The following STXBP6 variants were observed in gnomAD, a reference collection of about 807,000 sequenced individuals.
STXBP6 encodes the protein syntaxin binding protein 6.
Under a neutral mutation model 26.9 loss-of-function variants are expected in STXBP6, and 21 were observed. That is an observed-to-expected ratio of 0.78 (90% confidence interval 0.55 to 1.12). The LOEUF (loss-of-function observed/expected upper bound fraction) is 1.12, where lower values mean the gene tolerates loss of function less well. STXBP6 is among the 50% of genes most tolerant of loss of function. The probability of loss-of-function intolerance (pLI) is 0.00; values close to 1 mark genes in which losing one functional copy is unlikely to be tolerated. For synonymous variants in STXBP6, 97 were observed against 92.6 expected (o/e 1.05, Z -0.27); for missense variants, 232 against 257.9 (o/e 0.90, Z 0.69).
chr14:24,967,176 A>G (rs1486334152), intron 2 of STXBP6, among the ~76,000 whole-genome samples: 2 of 152,188 alleles, frequency 1.3e-5, no homozygotes, highest in Non-Finnish European at 2.9e-5. Flanking sequence ...CTCATCTACA[A>G]ATAAGAACTA....
intron 1 of STXBP6, among the ~76,000 whole-genome samples, chr14:25,019,010 G>A (rs769680127): frequency 1.3e-5 from 2 of 152,138 alleles, no homozygotes; most frequent in Admixed American, 6.5e-5. Flanking sequence ...GCAATACTCG[G>A]TAGGCTTCTA....
intron 1 of STXBP6, among the ~76,000 whole-genome samples, chr14:25,041,675 C>T (rs1228616865): frequency 1.3e-5 from 2 of 152,196 alleles, no homozygotes; most frequent in African/African-American, 4.8e-5. Context: ...CACACATATT[C>T]ACCTGCCAGA....
chr14:24,973,379 CTTT>C (rs1057437135), intron 2 of STXBP6, among the ~76,000 whole-genome samples: 61 of 76,774 alleles, frequency 7.9e-4, no homozygotes, highest in Non-Finnish European at 9.4e-4. Flanking sequence ...AGCTTTCTTC[CTTT>C]TTTTTTTTTT....
chr14:25,017,375 T>C (rs1023151594), intron 1 of STXBP6, among the ~76,000 whole-genome samples: 9 of 152,170 alleles, frequency 5.9e-5, no homozygotes, highest in African/African-American at 1.4e-4. Flanking sequence ...AGATTTCCTA[T>C]GGAAACTGGT....
chr14:24,946,995 C>T (rs1304893089), intron 2 of STXBP6, among the ~76,000 whole-genome samples: 2 of 152,094 alleles, frequency 1.3e-5, no homozygotes, highest in African/African-American at 4.8e-5. Context: ...AGCTACATAG[C>T]ATGAGTTACT....
chr14:25,037,369 G>A (rs538347665), intron 1 of STXBP6, among the ~76,000 whole-genome samples: 1 of 152,328 alleles, frequency 6.6e-6, no homozygotes, highest in South Asian at 2.1e-4. Flanking sequence ...GGTAGGGAAA[G>A]GAAAAGGCAA....
chr14:25,035,333 A>C (rs2075531767), intron 1 of STXBP6, among the ~76,000 whole-genome samples: 1 of 152,112 alleles, frequency 6.6e-6, no homozygotes, highest in Non-Finnish European at 1.5e-5. Flanking sequence ...CTCAAAAAAT[A>C]AGGATGTGGG....
At chr14:24,880,615 A>G (rs1466553584) in intron 2 of STXBP6, among the ~76,000 whole-genome samples, 1 of 152,190 alleles carries the variant, frequency 6.6e-6, no homozygotes, top group Non-Finnish European at 1.5e-5. Flanking sequence ...TCTGTATTGA[A>G]AATGAAAGGT....
chr14:25,015,205 A>G (rs1161057919), intron 1 of STXBP6, among the ~76,000 whole-genome samples: 1 of 152,202 alleles, frequency 6.6e-6, no homozygotes, highest in Non-Finnish European at 1.5e-5. Context: ...TCTACAAAAT[A>G]AAAGAGAACT....
At chr14:24,889,913 T>G (rs1365467639) in intron 2 of STXBP6, among the ~76,000 whole-genome samples, 1 of 152,220 alleles carries the variant, frequency 6.6e-6, no homozygotes, top group Non-Finnish European at 1.5e-5. Flanking sequence ...TCAGTACAAC[T>G]CCCCAACTGT....
intron 1 of STXBP6, among the ~76,000 whole-genome samples, chr14:25,000,322 CA>C (rs1473345443): frequency 2.6e-5 from 4 of 151,084 alleles, no homozygotes; most frequent in African/African-American, 9.7e-5. Flanking sequence ...CTCGGCCTCC[CA>C]AAATGCTGGG....
At chr14:24,951,607 A>G (rs1389292898) in intron 2 of STXBP6, among the ~76,000 whole-genome samples, 1 of 152,176 alleles carries the variant, frequency 6.6e-6, no homozygotes, top group Admixed American at 6.5e-5. Context: ...CTTGAAAAAT[A>G]TATTCTCTTA....
chr14:25,010,980 A>T (rs1394805213), intron 1 of STXBP6, among the ~76,000 whole-genome samples: 1 of 151,026 alleles, frequency 6.6e-6, no homozygotes, highest in African/African-American at 2.5e-5. Flanking sequence ...AAGCCCATGA[A>T]AATGACAGTC....
intron 1 of STXBP6, among the ~76,000 whole-genome samples, chr14:25,038,277 T>C (rs1047318502): frequency 2.0e-5 from 3 of 152,142 alleles, no homozygotes; most frequent in Admixed American, 6.5e-5. Context: ...TCATACCTGA[T>C]AGGAGTGTGA....
At chr14:24,824,865 T>C (rs2068236811) in intron 4 of STXBP6, among the ~76,000 whole-genome samples, 1 of 152,200 alleles carries the variant, frequency 6.6e-6, no homozygotes, top group South Asian at 2.1e-4. Context: ...ATTCTTACCC[T>C]TATGTTACAG....
intron 2 of STXBP6, among the ~76,000 whole-genome samples, chr14:24,874,330 T>G (rs1280985238): frequency 1.3e-5 from 2 of 152,138 alleles, no homozygotes; most frequent in African/African-American, 4.8e-5. Flanking sequence ...ATTTCAGATT[T>G]GTATTATGGG....
intron 4 of STXBP6, among the ~76,000 whole-genome samples, chr14:24,854,568 G>C (rs139883742): frequency 6.6e-6 from 1 of 152,208 alleles, no homozygotes; most frequent in African/African-American, 2.4e-5. Context: ...TAGGCTATCA[G>C]AGCAAACTCC....
chr14:24,842,341 T>C (rs186785736), intron 4 of STXBP6, among the ~76,000 whole-genome samples: 23 of 152,342 alleles, frequency 1.5e-4, no homozygotes, highest in Non-Finnish European at 2.8e-4. Flanking sequence ...GTAGTCCCTA[T>C]AGTAGCATGG....
At chr14:24,988,911 G>A (rs1293997358) in intron 1 of STXBP6, among the ~76,000 whole-genome samples, 3 of 152,144 alleles carry the variant, frequency 2.0e-5, no homozygotes, top group Non-Finnish European at 4.4e-5. Context: ...GGGAGAAGTA[G>A]GCAGAAAACT....
Sources: gnomAD v4.1 joint callset for allele counts (sites outside exome capture counted in the v4.1 genomes callset) on GRCh38, gnomAD v4.1.1 for gene constraint, MANE v1.5 for transcripts, NCBI Gene and HGNC (gene_info 2026-07-23, HGNC 2026-07-21) for gene names.